CARMIL1: variants seen among roughly 807,000 people sequenced by gnomAD.
The protein encoded by CARMIL1 is capping protein regulator and myosin 1 linker 1.
In CARMIL1, 90 loss-of-function variants were observed where a neutral mutation model predicts 177.1. The ratio of observed to expected loss-of-function variants is 0.51; its 90% CI spans 0.43 to 0.61. The LOEUF (loss-of-function observed/expected upper bound fraction) is 0.61, where lower values mean the gene tolerates loss of function less well. Among genes scored for constraint, CARMIL1 ranks in the 20% least tolerant of loss-of-function variants. The pLI is 0.00. For missense variants in CARMIL1, 1,380 were observed against 1,667.0 expected (o/e 0.83, Z 3.00); for synonymous variants, 577 against 606.2 (o/e 0.95, Z 0.71).
chr6:25,337,347 T>C (rs1277589104), intron 2 of CARMIL1, among the ~76,000 whole-genome samples: 1 of 152,224 alleles, frequency 6.6e-6, no homozygotes, highest in African/African-American at 2.4e-5. Context: ...TTAACATTTG[T>C]GAACTATGAG....
At chr6:25,487,038 A>C (rs1802730787) in intron 12 of CARMIL1, among the ~76,000 whole-genome samples, 1 of 152,094 alleles carries the variant, frequency 6.6e-6, no homozygotes, top group Non-Finnish European at 1.5e-5. Context: ...AGTTTTTTGC[A>C]CTTAAATATT....
chr6:25,449,784 G>A, intron 5 of CARMIL1, 114 bp from the exon 6 acceptor site: 1 of 587,256 alleles, frequency 1.7e-6, no homozygotes, highest in South Asian at 3.0e-5. Flanking sequence ...AAGAAAAACT[G>A]AAATTGAAGT....
intron 8 of CARMIL1, chr6:25,451,990 C>CCCCCA: frequency 1.6e-5 from 1 of 60,996 alleles, no homozygotes; most frequent in Non-Finnish European, 3.3e-5. Flanking sequence ...CATCTTGCCC[C>CCCCCA]CCCCTCCCCC....
At chr6:25,422,141 A>T (rs6921589) in intron 3 of CARMIL1, among the ~76,000 whole-genome samples, 17 of 152,114 alleles carry the variant, frequency 1.1e-4, no homozygotes, top group African/African-American at 3.6e-4. Flanking sequence ...CTACTTATTT[A>T]GACTTTTTAC....
intron 2 of CARMIL1, among the ~76,000 whole-genome samples, chr6:25,312,458 A>G (rs1783909938): frequency 6.6e-6 from 1 of 152,200 alleles, no homozygotes. Context: ...GCAAAACATA[A>G]GCTTGTAAAA....
At chr6:25,399,832 T>C (rs1793736698) in intron 2 of CARMIL1, among the ~76,000 whole-genome samples, 1 of 152,250 alleles carries the variant, frequency 6.6e-6, no homozygotes, top group Admixed American at 6.5e-5. Flanking sequence ...ACTATGACTG[T>C]TATTTTAATT....
chr6:25,412,400 G>A (rs927986), intron 2 of CARMIL1, among the ~76,000 whole-genome samples: 92,718 of 152,028 alleles, frequency 0.61, 28,782 homozygotes, highest in African/African-American at 0.69. Flanking sequence ...TGGGAAACAT[G>A]GCAATACCCC....
At chr6:25,313,039 T>C (rs1259248478) in intron 2 of CARMIL1, among the ~76,000 whole-genome samples, 2 of 152,186 alleles carry the variant, frequency 1.3e-5, no homozygotes, top group Admixed American at 1.3e-4. Context: ...CTCTAGTGGA[T>C]GGCAGCATGT....
At chr6:25,478,910 C>G (rs1271583460) in intron 11 of CARMIL1, among the ~76,000 whole-genome samples, 1 of 151,904 alleles carries the variant, frequency 6.6e-6, no homozygotes, top group Admixed American at 6.6e-5. Flanking sequence ...AAGTCTTTTC[C>G]TCTCAGCCTT....
intron 16 of CARMIL1, among the ~76,000 whole-genome samples, chr6:25,495,640 A>G (rs1172846706): frequency 3.9e-5 from 6 of 152,026 alleles, no homozygotes; most frequent in Non-Finnish European, 8.8e-5. Context: ...CATTGTATGT[A>G]TGCAACAGAA....
intron 2 of CARMIL1, among the ~76,000 whole-genome samples, chr6:25,364,800 G>A (rs901958326): frequency 1.3e-5 from 2 of 152,104 alleles, no homozygotes; most frequent in African/African-American, 4.8e-5. Context: ...CCTGAGCTCA[G>A]GTGATCCATC....
At chr6:25,534,369 A>G (rs1169599098) in intron 24 of CARMIL1, among the ~76,000 whole-genome samples, 2 of 152,078 alleles carry the variant, frequency 1.3e-5, no homozygotes, top group Non-Finnish European at 2.9e-5. Flanking sequence ...CCATCATTCC[A>G]ATCTGATCTC....
chr6:25,430,669 G>T (rs143603594), intron 4 of CARMIL1, among the ~76,000 whole-genome samples: 1 of 152,128 alleles, frequency 6.6e-6, no homozygotes, highest in Non-Finnish European at 1.5e-5. Flanking sequence ...GAGCTCAAGC[G>T]ATCCACCTCC....
chr6:25,433,777 A>G (rs1220289722), intron 4 of CARMIL1, among the ~76,000 whole-genome samples: 2 of 152,246 alleles, frequency 1.3e-5, no homozygotes, highest in African/African-American at 4.8e-5. Context: ...GGTATTTATG[A>G]AAAAGTAACA....
At chr6:25,373,670 C>A (rs1581720360) in intron 2 of CARMIL1, among the ~76,000 whole-genome samples, 1 of 151,786 alleles carries the variant, frequency 6.6e-6, no homozygotes, top group East Asian at 1.9e-4. Context: ...GCAACCTCCA[C>A]CTCCCTGGTT....
intron 2 of CARMIL1, among the ~76,000 whole-genome samples, chr6:25,292,934 A>T (rs1410031359): frequency 6.6e-6 from 1 of 152,162 alleles, no homozygotes; most frequent in African/African-American, 2.4e-5. Flanking sequence ...TAAAATAGTT[A>T]CAGAGAAAAA....
chr6:25,604,520 G>A (rs895258608), intron 33 of CARMIL1, among the ~76,000 whole-genome samples: 3 of 152,150 alleles, frequency 2.0e-5, no homozygotes, highest in African/African-American at 7.2e-5. Context: ...AGGTCACCAA[G>A]CCCACTGACT....
chr6:25,461,772 A>G (rs2150908279), intron 8 of CARMIL1, among the ~76,000 whole-genome samples: 1 of 152,344 alleles, frequency 6.6e-6, no homozygotes, highest in South Asian at 2.1e-4. Flanking sequence ...CATTGAGTGT[A>G]TCATTTTGCA....
chr6:25,290,254 C>T (rs1476918319), intron 2 of CARMIL1, among the ~76,000 whole-genome samples: 1 of 152,118 alleles, frequency 6.6e-6, no homozygotes, highest in Admixed American at 6.5e-5. Flanking sequence ...TGCCACCACA[C>T]CCGGCTAATT....
Sources: gnomAD v4.1 joint callset for allele counts (sites outside exome capture counted in the v4.1 genomes callset) on GRCh38, gnomAD v4.1.1 for gene constraint, MANE v1.5 for transcripts, NCBI Gene and HGNC (gene_info 2026-07-23, HGNC 2026-07-21) for gene names.